Variants in ZNF385D observed in about 807,000 individuals in gnomAD.
The protein encoded by ZNF385D is zinc finger protein 385D, also known as zinc finger protein 659.
A neutral mutation model predicts 35.8 loss-of-function variants in ZNF385D; 15 were observed. The observed-to-expected ratio is 0.42, with a 90% CI of 0.28 to 0.64. The LOEUF is 0.64. ZNF385D is among the 30% of genes least tolerant of loss of function. The probability of loss-of-function intolerance (pLI) is 0.23; values close to 1 mark genes in which losing one functional copy is unlikely to be tolerated. For synonymous variants in ZNF385D, 212 were observed against 186.8 expected (o/e 1.13, Z -1.10); for missense variants, 474 against 494.6 (o/e 0.96, Z 0.39).
Position 21,688,333 on chromosome 3 carries a change from C to T in ZNF385D, c.23-23305G>A, listed in dbSNP as rs764422057. 4.1e-4 allele frequency among the ~76,000 whole-genome samples: 63 copies of T among 152,160 alleles called. 1 individual carries two copies. The highest frequency in any genetic ancestry group is 1.4e-3 in the African/African-American group (60 of 41,504). The stretch of plus-strand genomic sequence containing the variant: ...ATAACTAGTTTAAACAATGCCCCAT[C>T]ATTGGTCATTATTGGTATGTCCAGT... On this transcript the variant is annotated intron_variant, in intron 1 of 7. Transcript: ENST00000281523.
intron 2 of ZNF385D, among the ~76,000 whole-genome samples, chr3:21,573,035 T>G (rs758010325): frequency 1.1e-4 from 17 of 152,180 alleles, no homozygotes; most frequent in South Asian, 4.1e-4. Context: ...AGCTGGGTAC[T>G]TCTAGAGCTG....
At chr3:21,483,451 A>G (rs1704791390) in intron 4 of ZNF385D, among the ~76,000 whole-genome samples, 1 of 152,192 alleles carries the variant, frequency 6.6e-6, no homozygotes, top group South Asian at 2.1e-4. Context: ...GTCTGGAGTA[A>G]ATACCCAGCA....
chr3:22,006,151 A>G (rs1399707542), intron 3 of ZNF385D, among the ~76,000 whole-genome samples: 1 of 152,110 alleles, frequency 6.6e-6, no homozygotes, highest in African/African-American at 2.4e-5. Context: ...ATAAGTTTTT[A>G]AAAACAGAGG....
intron 3 of ZNF385D, among the ~76,000 whole-genome samples, chr3:22,080,349 A>C (rs1339669228): frequency 1.3e-5 from 2 of 152,140 alleles, no homozygotes; most frequent in Non-Finnish European, 2.9e-5. Context: ...CACTTGCTTT[A>C]AACTCACATG....
intron 2 of ZNF385D, among the ~76,000 whole-genome samples, chr3:22,364,354 A>G (rs1410447108): frequency 1.3e-5 from 2 of 152,218 alleles, no homozygotes; most frequent in Non-Finnish European, 2.9e-5. Context: ...TACAAATCAT[A>G]TATCAGATTA....
chr3:21,816,993 C>T (rs1293161591), intron 3 of ZNF385D, among the ~76,000 whole-genome samples: 1 of 152,098 alleles, frequency 6.6e-6, no homozygotes, highest in African/African-American at 2.4e-5. Flanking sequence ...GACATATAGA[C>T]CAATGGAACA....
rs111839793 is a variant in ZNF385D, at chr3:22,129,194, C to G, written c.325+39623G>C. Among the ~76,000 whole-genome samples, 14 of 152,254 alleles carry G rather than the reference C, an allele frequency of 9.2e-5. 1 individual carries two copies. Among genetic ancestry groups the G allele is most frequent in the East Asian group, 3.9e-4 (2 of 5,156 alleles). ...ACTTTTCCCCAAACAAACAGAGTCTCTCTCTCTCTCTGCTGAGCTACCTAG... is the reference window on the plus strand; with the variant it reads ...ACTTTTCCCCAAACAAACAGAGTCTGTCTCTCTCTCTGCTGAGCTACCTAG... On this transcript the variant is annotated intron_variant, in intron 3 of 5. Coordinates refer to the ZNF385D transcript ENST00000494108.
At chr3:22,048,195 C>T (rs563234718) in intron 3 of ZNF385D, among the ~76,000 whole-genome samples, 47 of 152,010 alleles carry the variant, frequency 3.1e-4, no homozygotes, top group African/African-American at 1.1e-3. Context: ...TAGGCTGTCT[C>T]TTTACTCTAT....
chr3:21,770,603 G>C (rs1442725633), intron 3 of ZNF385D, among the ~76,000 whole-genome samples: 2 of 152,192 alleles, frequency 1.3e-5, no homozygotes, highest in Non-Finnish European at 2.9e-5. Flanking sequence ...GTGCTGGAGA[G>C]GATGTGGAGA....
intron 2 of ZNF385D, among the ~76,000 whole-genome samples, chr3:22,298,475 TAAAAC>T (rs1226313207): frequency 3.5e-5 from 5 of 144,296 alleles, no homozygotes; most frequent in African/African-American, 1.3e-4. Flanking sequence ...TAAATATACA[TAAAAC>T]ATTTATATAT....
At chr3:22,232,818 A>C (rs1296010527) in intron 2 of ZNF385D, among the ~76,000 whole-genome samples, 1 of 152,184 alleles carries the variant, frequency 6.6e-6, no homozygotes, top group Non-Finnish European at 1.5e-5. Flanking sequence ...AGGAAAATCT[A>C]GGCCACCTGA....
chr3:21,903,599 A>C (rs890157129), intron 3 of ZNF385D, among the ~76,000 whole-genome samples: 1 of 152,190 alleles, frequency 6.6e-6, no homozygotes, highest in Non-Finnish European at 1.5e-5. Context: ...CAGTGGTATA[A>C]AAATTTCTCA....
intron 3 of ZNF385D, among the ~76,000 whole-genome samples, chr3:21,874,968 G>C (rs925912911): frequency 6.8e-6 from 1 of 146,882 alleles, no homozygotes; most frequent in Non-Finnish European, 1.5e-5. Flanking sequence ...TTATTCATAA[G>C]TATTTTATTA....
At chr3:22,323,757 C>G (rs920575794) in intron 2 of ZNF385D, among the ~76,000 whole-genome samples, 1 of 152,106 alleles carries the variant, frequency 6.6e-6, no homozygotes, top group African/African-American at 2.4e-5. Flanking sequence ...ACGCAAAGTG[C>G]TAAGTGATGA....
At chr3:22,048,025 T>G (rs187202337) in intron 3 of ZNF385D, among the ~76,000 whole-genome samples, 5 of 152,302 alleles carry the variant, frequency 3.3e-5, no homozygotes, top group Admixed American at 6.5e-5. Flanking sequence ...CATTTACTTG[T>G]GGTCATTTCT....
chr3:22,236,877 T>C (rs1275392272), intron 2 of ZNF385D, among the ~76,000 whole-genome samples: 1 of 152,228 alleles, frequency 6.6e-6, no homozygotes, highest in African/African-American at 2.4e-5. Flanking sequence ...ATTTGATTTA[T>C]GGTTGAATAA....
At chr3:21,436,594 A>C (rs921672095) in intron 5 of ZNF385D, among the ~76,000 whole-genome samples, 2 of 152,210 alleles carry the variant, frequency 1.3e-5, no homozygotes, top group Admixed American at 6.5e-5. Flanking sequence ...GAGTCACGCA[A>C]CTACACATTT....
intron 2 of ZNF385D, among the ~76,000 whole-genome samples, chr3:22,259,509 A>T (rs1700507622): frequency 6.6e-6 from 1 of 152,030 alleles, no homozygotes; most frequent in Admixed American, 6.6e-5. Context: ...TCAAACACTC[A>T]TACAGCACCT....
intron 2 of ZNF385D, among the ~76,000 whole-genome samples, chr3:21,576,063 T>C (rs2063488635): frequency 2.6e-5 from 4 of 152,180 alleles, no homozygotes; most frequent in Admixed American, 2.6e-4. Flanking sequence ...ACTCTGTGAG[T>C]AAACTCTACA....
Sources: gnomAD v4.1 joint callset for allele counts (sites outside exome capture counted in the v4.1 genomes callset) on GRCh38, gnomAD v4.1.1 for gene constraint, MANE v1.5 for transcripts, NCBI Gene and HGNC (gene_info 2026-07-23, HGNC 2026-07-21) for gene names.